The following TMEM135 variants were observed in gnomAD, a reference collection of about 807,000 sequenced individuals.
The protein encoded by TMEM135 is peroxisomal membrane protein 52.
A neutral mutation model predicts 60.3 loss-of-function variants in TMEM135; 30 were observed. That is an observed-to-expected ratio of 0.50 (90% CI 0.37 to 0.68). The LOEUF is 0.68. Ranked by LOEUF, TMEM135 falls within the 30% of genes least tolerant of loss-of-function variation. The pLI is 0.00. For missense variants in TMEM135, 468 were observed against 548.8 expected, an observed-to-expected ratio of 0.85 and a Z score of 1.47; for synonymous variants, 190 against 186.7, an observed-to-expected ratio of 1.02 and a Z score of -0.14.
chr11:87,272,047 TTTTC>T (rs749377942), intron 6 of TMEM135, among the ~76,000 whole-genome samples: 817 of 72,354 alleles, frequency 0.011, 2 homozygotes, highest in African/African-American at 0.017. Context: ...TTTCTTTTTC[TTTTC>T]TTTTTTTTTT....
intron 1 of TMEM135, among the ~76,000 whole-genome samples, chr11:87,065,986 C>A (rs933231065): frequency 1.3e-5 from 2 of 152,126 alleles, no homozygotes; most frequent in Non-Finnish European, 2.9e-5. Context: ...AAGATTGGGT[C>A]TTATTCATCA....
At chr11:87,294,335 C>T (rs776251716) in intron 6 of TMEM135, among the ~76,000 whole-genome samples, 1 of 152,124 alleles carries the variant, frequency 6.6e-6, no homozygotes. Flanking sequence ...CCTTTGTGGC[C>T]TTTCCTACAG....
At chr11:87,044,113 C>T (rs1949774546) in intron 1 of TMEM135, among the ~76,000 whole-genome samples, 1 of 152,098 alleles carries the variant, frequency 6.6e-6, no homozygotes, top group South Asian at 2.1e-4. Flanking sequence ...TCAATATTTA[C>T]TCCCTTTGAA....
At chr11:87,225,098 C>G (rs1940737913) in intron 5 of TMEM135, among the ~76,000 whole-genome samples, 2 of 152,064 alleles carry the variant, frequency 1.3e-5, no homozygotes, top group African/African-American at 2.4e-5. Context: ...ACTGTTTCAT[C>G]TACTATACAT....
rs139412193 is a variant in TMEM135, at chr11:87,267,867, T to C, written c.510-27915T>C. ...CCACGACGCCTGGAGAATTTTTGTA[T>C]TTTTAGTAGAGACGGGGTTTCACCA... On this transcript the variant is annotated intron_variant, in intron 6 of 14. Transcript: ENST00000305494. 9.5e-3 allele frequency among the ~76,000 whole-genome samples: 1,450 copies of C among 152,218 alleles called. 22 individuals are homozygous for C. The highest frequency in any genetic ancestry group is 0.032 in the African/African-American group (1,343 of 41,536).
At chr11:87,303,231 T>A (rs571382252) in intron 8 of TMEM135, among the ~76,000 whole-genome samples, 1 of 152,128 alleles carries the variant, frequency 6.6e-6, no homozygotes, top group Admixed American at 6.5e-5. Flanking sequence ...TAGATTCTCA[T>A]AGGAGCACAA....
At chr11:87,069,111 C>T (rs1434095705) in intron 2 of TMEM135, among the ~76,000 whole-genome samples, 1 of 150,230 alleles carries the variant, frequency 6.7e-6, no homozygotes, top group Non-Finnish European at 1.5e-5. Flanking sequence ...ACAGTGAAAC[C>T]CCGTCTCTAC....
At chr11:87,293,419 A>G (rs1421011244) in intron 6 of TMEM135, among the ~76,000 whole-genome samples, 3 of 151,926 alleles carry the variant, frequency 2.0e-5, no homozygotes, top group African/African-American at 7.3e-5. Flanking sequence ...AACGAGATAC[A>G]TGTGCAGAAC....
intron 6 of TMEM135, among the ~76,000 whole-genome samples, chr11:87,245,441 G>A (rs200075147): frequency 0.5 from 40,466 of 81,290 alleles, 11,859 homozygotes; most frequent in Non-Finnish European, 0.58. Flanking sequence ...GTCTAATGTT[G>A]ACAGTGGGGT....
At chr11:87,076,367 A>T (rs1856873194) in intron 3 of TMEM135, among the ~76,000 whole-genome samples, 1 of 152,204 alleles carries the variant, frequency 6.6e-6, no homozygotes, top group Non-Finnish European at 1.5e-5. Context: ...GTTCACTTAA[A>T]TACCACAGGC....
intron 6 of TMEM135, 127 bp downstream of exon 6, chr11:87,236,811 C>T (rs548771861): frequency 1.2e-6 from 1 of 861,060 alleles, no homozygotes; most frequent in East Asian, 2.5e-5. Flanking sequence ...CCCCGCACCC[C>T]CGCCCAGAGT....
chr11:87,084,538 C>A (rs372081107), intron 3 of TMEM135, among the ~76,000 whole-genome samples: 1 of 152,104 alleles, frequency 6.6e-6, no homozygotes, highest in African/African-American at 2.4e-5. Context: ...CTTAAGTGAT[C>A]CTCCTATCTT....
intron 5 of TMEM135, among the ~76,000 whole-genome samples, chr11:87,167,351 G>A (rs1163618044): frequency 1.3e-5 from 2 of 152,156 alleles, no homozygotes; most frequent in Non-Finnish European, 2.9e-5. Context: ...TGTTGAATAG[G>A]AGTGGTGAGA....
At chr11:87,179,010 G>C (rs1419365804) in intron 5 of TMEM135, among the ~76,000 whole-genome samples, 1 of 152,056 alleles carries the variant, frequency 6.6e-6, no homozygotes, top group Admixed American at 6.6e-5. Context: ...TGTATGAGGG[G>C]TCCAGTTTGT....
chr11:87,278,802 C>T (rs1301021714), intron 6 of TMEM135, among the ~76,000 whole-genome samples: 1 of 124,634 alleles, frequency 8.0e-6, no homozygotes, highest in African/African-American at 3.1e-5. Context: ...AGAATATTTT[C>T]ATCATTCTTT....
intron 5 of TMEM135, among the ~76,000 whole-genome samples, chr11:87,188,068 T>C (rs763973257): frequency 1.3e-5 from 2 of 151,406 alleles, no homozygotes; most frequent in Non-Finnish European, 2.9e-5. Flanking sequence ...TGTTGAACAA[T>C]GAGAGAGAGA....
chr11:87,093,562 G>A (rs1351947689), intron 4 of TMEM135, among the ~76,000 whole-genome samples: 2 of 151,546 alleles, frequency 1.3e-5, no homozygotes, highest in Admixed American at 6.6e-5. Context: ...ATGGAGTCTC[G>A]CTCTGTCACC....
intron 5 of TMEM135, among the ~76,000 whole-genome samples, chr11:87,187,241 C>A (rs527456486): frequency 6.6e-6 from 1 of 152,090 alleles, no homozygotes; most frequent in Non-Finnish European, 1.5e-5. Flanking sequence ...GGTTACATAG[C>A]GGTGCTTCAC....
At chr11:87,192,180 G>A (rs529171054) in intron 5 of TMEM135, among the ~76,000 whole-genome samples, 49 of 149,344 alleles carry the variant, frequency 3.3e-4, no homozygotes, top group Admixed American at 2.6e-3. Context: ...TAGTAGAGAC[G>A]GGGTTTTACC....
Sources: gnomAD v4.1 joint callset for allele counts (sites outside exome capture counted in the v4.1 genomes callset) on GRCh38, gnomAD v4.1.1 for gene constraint, MANE v1.5 for transcripts, NCBI Gene and HGNC (gene_info 2026-07-23, HGNC 2026-07-21) for gene names.